The following ZNF221 variants were observed in gnomAD, a reference collection of about 807,000 sequenced individuals.
The protein encoded by ZNF221 is zinc finger protein 221.
ZNF221 carries 10 observed loss-of-function variants against 12.6 expected under a neutral mutation model. The observed-to-expected ratio is 0.79, with a 90% confidence interval of 0.49 to 1.34. The LOEUF is 1.34. ZNF221 is among the 40% of genes most tolerant of loss of function. The pLI is 0.00. For missense variants in ZNF221, 661 were observed against 721.4 expected (o/e 0.92, Z 0.96); for synonymous variants, 232 against 244.0 (o/e 0.95, Z 0.46).
intron 1 of ZNF221, among the ~76,000 whole-genome samples, chr19:43,958,735 A>G (rs1011779963): frequency 1.3e-5 from 2 of 152,262 alleles, no homozygotes; most frequent in African/African-American, 4.8e-5. Flanking sequence ...AGATTAATGC[A>G]TAGTTATAGC....
At chr19:43,955,092 G>A (rs1974734712) in intron 1 of ZNF221, among the ~76,000 whole-genome samples, 1 of 151,480 alleles carries the variant, frequency 6.6e-6, no homozygotes, top group South Asian at 2.1e-4. Flanking sequence ...TATATCTAGT[G>A]TGTTTCTTGG....
chr19:43,967,409 C>G lies in ZNF221; in HGVS notation c.*53C>G. 7.6e-7 allele frequency: 1 copy of G among 1,315,826 alleles called. No individual in the cohort carries two copies. The highest frequency in any genetic ancestry group is 2.3e-5 in the East Asian group (1 of 43,346). 81.5% of individuals were successfully genotyped at this position (1,315,826 alleles called of 1,614,324 possible). On this transcript the variant is annotated 3_prime_UTR_variant, in exon 5 of 5. Transcript: ENST00000587682. ...CTGGGCCTCAACTCATCTGACCCAT[C>G]AATTCTCCACAGCAGAGAAAAACCA...
At position 43,961,532 on chromosome 19, in the gene ZNF221, T is replaced by C. The variant is rs191994129; in HGVS notation, c.-2-1193T>C. ...TAGATATCAATTAAAAGACTATTAA[T>C]ATTAGTTAATTCTGTTACCTATTAG... On this transcript the variant is annotated intron_variant, in intron 1 of 4. Coordinates refer to ENST00000587682, the MANE Select transcript of ZNF221 (RefSeq NM_001297588.2). Among the ~76,000 whole-genome samples, 93 of 152,296 alleles carry C rather than the reference T, an allele frequency of 6.1e-4. 1 individual carries two copies. The highest frequency in any genetic ancestry group is 6.8e-3 in the Middle Eastern group (2 of 294).
At chr19:43,964,469 C>G (rs549151645) in intron 2 of ZNF221, among the ~76,000 whole-genome samples, 1 of 152,278 alleles carries the variant, frequency 6.6e-6, no homozygotes, top group East Asian at 1.9e-4. Flanking sequence ...ATAGCTGTCC[C>G]ACACAGGTCA....
At chr19:43,959,936 A>G (rs1321450962) in intron 1 of ZNF221, among the ~76,000 whole-genome samples, 1 of 151,898 alleles carries the variant, frequency 6.6e-6, no homozygotes, top group Non-Finnish European at 1.5e-5. Flanking sequence ...AAAAGTTTGG[A>G]GGGCTCAGAA....
chr19:43,980,278 C>T, the ZNF221 span, among the ~76,000 whole-genome samples: 1 of 152,182 alleles, frequency 6.6e-6, no homozygotes, highest in African/African-American at 2.4e-5. Flanking sequence ...TGCAAGTAAA[C>T]AGAAATCCAA....
intron 1 of ZNF221, among the ~76,000 whole-genome samples, chr19:43,953,167 T>C (rs1974701397): frequency 6.6e-6 from 1 of 151,792 alleles, no homozygotes; most frequent in Non-Finnish European, 1.5e-5. Context: ...GCCAGGCTAG[T>C]CTCGAACTCC....
At chr19:43,958,428 G>A (rs1424823949) in intron 1 of ZNF221, among the ~76,000 whole-genome samples, 2 of 152,144 alleles carry the variant, frequency 1.3e-5, no homozygotes, top group African/African-American at 2.4e-5. Flanking sequence ...GTATCCCACC[G>A]AGCATTTATA....
the ZNF221 span, chr19:43,977,554 G>C: frequency 6.6e-6 from 1 of 152,124 alleles, no homozygotes; most frequent in African/African-American, 2.4e-5. Flanking sequence ...GAAATAATGT[G>C]GGTATATATA....
chr19:43,958,049 G>C (rs1974783590), intron 1 of ZNF221, among the ~76,000 whole-genome samples: 1 of 152,220 alleles, frequency 6.6e-6, no homozygotes, highest in African/African-American at 2.4e-5. Flanking sequence ...GTCTTTGGTT[G>C]ATGATCAATC....
At chr19:43,970,150 C>G (rs1975066343), downstream of ZNF221, among the ~76,000 whole-genome samples, 1 of 152,086 alleles carries the variant, frequency 6.6e-6, no homozygotes, top group Non-Finnish European at 1.5e-5. Context: ...TCGAGCAGAC[C>G]CCAGCAAACT....
intron 1 of ZNF221, among the ~76,000 whole-genome samples, chr19:43,959,723 GCACCA>G (rs1974813614): frequency 1.3e-5 from 2 of 152,324 alleles, no homozygotes; most frequent in East Asian, 3.9e-4. Context: ...GCACATGCCA[GCACCA>G]CATTTCCTTT....
At chr19:43,958,989 G>GT (rs3082682) in intron 1 of ZNF221, among the ~76,000 whole-genome samples, 12 of 149,918 alleles carry the variant, frequency 8.0e-5, no homozygotes, top group African/African-American at 2.7e-4. Context: ...GTTTTTGGTT[G>GT]TTTTTTTTTT....
chr19:43,980,694 T>C, the ZNF221 span, among the ~76,000 whole-genome samples: 2 of 152,236 alleles, frequency 1.3e-5, no homozygotes, highest in Admixed American at 6.5e-5. Flanking sequence ...CTATCCCTTC[T>C]GGGTGTAGGG....
intron 1 of ZNF221, among the ~76,000 whole-genome samples, chr19:43,955,316 A>G (rs1278192032): frequency 6.6e-6 from 1 of 152,082 alleles, no homozygotes; most frequent in African/African-American, 2.4e-5. Flanking sequence ...TGACAAACAG[A>G]ACAGTTTTCA....
Position 43,964,943 on chromosome 19 carries a change from A to G in ZNF221, c.82-7A>G. On this transcript the variant is annotated splice_polypyrimidine_tract_variant and splice_region_variant and intron_variant, in intron 2 of 4. Coordinates refer to ENST00000587682, the MANE Select transcript of ZNF221 (RefSeq NM_001297588.2). ...AAGATTTAGGTTTTGTATGTTGGAT[A>G]TTTTAGGAGGCAGTGACATTCAAGG... The G allele has an allele frequency of 6.2e-7, 1 of 1,614,060 alleles. No individual in the cohort carries two copies. Among genetic ancestry groups the G allele is most frequent in the Non-Finnish European group, 8.5e-7 (1 of 1,179,982 alleles).
the ZNF221 span, among the ~76,000 whole-genome samples, chr19:43,975,987 G>A: frequency 1.3e-5 from 2 of 152,082 alleles, no homozygotes; most frequent in Non-Finnish European, 2.9e-5. Flanking sequence ...TGTAATAACA[G>A]ACCACTGCAT....
rs752541375 is a variant in ZNF221, at chr19:43,967,053, G to A, written c.1551G>A (p.Gln517=). The A allele has an allele frequency of 1.3e-6, 2 of 1,597,212 alleles. No individual in the cohort carries two copies. ...KCEECGKRFT[Q]SSQLHSHQTC... ...AAGAGTGTGGAAAGAGATTTACTCA[G>A]AGTTCACAACTTCATTCCCATCAGA... Residue 517 remains glutamine, a synonymous_variant, in exon 5 of 5, where the codon CAG becomes CAA. Coordinates refer to ENST00000587682, the MANE Select transcript of ZNF221 (RefSeq NM_001297588.2).
chr19:43,979,422 C>CATATATATATATATATATATATATAT, the ZNF221 span, among the ~76,000 whole-genome samples: 131 of 138,528 alleles, frequency 9.5e-4, 1 homozygote, highest in African/African-American at 3.5e-3. Context: ...AACAGTAATA[C>CATATATATATATATATATATATATAT]ATATATATAT....
Sources: allele counts gnomAD v4.1 joint callset (sites outside exome capture counted in the v4.1 genomes callset), GRCh38; gene constraint gnomAD v4.1.1; transcripts MANE v1.5; gene names NCBI Gene and HGNC (gene_info 2026-07-23, HGNC 2026-07-21).